POU2AF2: variants seen among roughly 807,000 people sequenced by gnomAD.
POU2AF2 encodes POU domain class 2-associating factor 2.
At chr11:111,246,887 C>T in the POU2AF2 span, among the ~76,000 whole-genome samples, 2 of 152,214 alleles carry the variant, frequency 1.3e-5, no homozygotes, top group Admixed American at 6.5e-5. Context: ...AACTGTAGTC[C>T]TTATGTTGTA....
chr11:111,267,012 T>C, the POU2AF2 span, among the ~76,000 whole-genome samples: 3 of 152,264 alleles, frequency 2.0e-5, no homozygotes, highest in Admixed American at 2.0e-4. Flanking sequence ...CAATTATGAC[T>C]TTTGCTCCCT....
the POU2AF2 span, among the ~76,000 whole-genome samples, chr11:111,247,513 C>A: frequency 1.3e-5 from 2 of 152,076 alleles, no homozygotes; most frequent in Non-Finnish European, 2.9e-5. Context: ...ATAGGCCGAG[C>A]GTGGTGGTTC....
At chr11:111,283,431 C>T in the POU2AF2 span, among the ~76,000 whole-genome samples, 2 of 152,016 alleles carry the variant, frequency 1.3e-5, no homozygotes, top group Non-Finnish European at 2.9e-5. Flanking sequence ...GTCCATGAGG[C>T]CACAAGAGGG....
At chr11:111,285,090 A>G in the POU2AF2 span, among the ~76,000 whole-genome samples, 1 of 152,232 alleles carries the variant, frequency 6.6e-6, no homozygotes, top group African/African-American at 2.4e-5. Flanking sequence ...GTCCCATTTT[A>G]CAGATGAGCA....
chr11:111,285,157 A>G, the POU2AF2 span, among the ~76,000 whole-genome samples: 4 of 152,174 alleles, frequency 2.6e-5, no homozygotes, highest in African/African-American at 9.6e-5. Flanking sequence ...TCTAGCTCCA[A>G]ACTTACGGGA....
At chr11:111,264,501 A>G in the POU2AF2 span, among the ~76,000 whole-genome samples, 4 of 13,694 alleles carry the variant, frequency 2.9e-4, no homozygotes, top group Admixed American at 1.3e-3. Flanking sequence ...CGAAAGAAAG[A>G]AAGAAAGAAA....
At chr11:111,249,021 C>T in the POU2AF2 span, among the ~76,000 whole-genome samples, 1 of 152,180 alleles carries the variant, frequency 6.6e-6, no homozygotes, top group South Asian at 2.1e-4. Flanking sequence ...CAATTTGTTG[C>T]ATGGACACAA....
At chr11:111,264,444 C>T in the POU2AF2 span, among the ~76,000 whole-genome samples, 1 of 148,832 alleles carries the variant, frequency 6.7e-6, no homozygotes, top group African/African-American at 2.5e-5. Context: ...TGCAGTGAGG[C>T]GAGATTGCAC....
chr11:111,283,380 T>A, the POU2AF2 span, among the ~76,000 whole-genome samples: 1 of 151,714 alleles, frequency 6.6e-6, no homozygotes, highest in Non-Finnish European at 1.5e-5. Context: ...GCCGGCACTG[T>A]CTTCCTAAAC....
At chr11:111,265,608 G>A in the POU2AF2 span, among the ~76,000 whole-genome samples, 1 of 152,066 alleles carries the variant, frequency 6.6e-6, no homozygotes, top group Non-Finnish European at 1.5e-5. Context: ...ATAGCATATG[G>A]CATGCTGTAA....
At chr11:111,276,439 GAA>G in the POU2AF2 span, among the ~76,000 whole-genome samples, 21 of 44,446 alleles carry the variant, frequency 4.7e-4, no homozygotes, top group African/African-American at 1.7e-3. Context: ...CTACTAAAAA[GAA>G]AAAAAAAAAA....
chr11:111,249,622 C>T, the POU2AF2 span, among the ~76,000 whole-genome samples: 5 of 152,170 alleles, frequency 3.3e-5, no homozygotes, highest in African/African-American at 4.8e-5. Flanking sequence ...CTCCACCTTC[C>T]CAAACTCGAC....
the POU2AF2 span, among the ~76,000 whole-genome samples, chr11:111,247,946 C>G: frequency 7.3e-6 from 1 of 136,944 alleles, no homozygotes; most frequent in African/African-American, 2.8e-5. Flanking sequence ...TGGTGTGGCG[C>G]GATCTCCGCT....
the POU2AF2 span, among the ~76,000 whole-genome samples, chr11:111,280,057 A>AAAAAAATATATATATATATAT: frequency 1.3e-5 from 1 of 76,472 alleles, no homozygotes; most frequent in East Asian, 3.1e-4. Flanking sequence ...AAAAAAAAAA[A>AAAAAAATATATATATATATAT]ATATATATAT....
At chr11:111,272,185 T>C in the POU2AF2 span, among the ~76,000 whole-genome samples, 1 of 152,228 alleles carries the variant, frequency 6.6e-6, no homozygotes, top group Non-Finnish European at 1.5e-5. Flanking sequence ...CTGATTTCCT[T>C]TTATCTAGCC....
the POU2AF2 span, among the ~76,000 whole-genome samples, chr11:111,252,072 C>A: frequency 6.6e-6 from 1 of 152,198 alleles, no homozygotes. Context: ...TTAAAAAGCA[C>A]TTTAAAAAGC....
At chr11:111,246,186 A>G in the POU2AF2 span, among the ~76,000 whole-genome samples, 1 of 152,226 alleles carries the variant, frequency 6.6e-6, no homozygotes, top group Non-Finnish European at 1.5e-5. Flanking sequence ...CTTTTCCAAT[A>G]TATAGTGAAA....
At chr11:111,274,170 G>A in the POU2AF2 span, among the ~76,000 whole-genome samples, 1 of 152,134 alleles carries the variant, frequency 6.6e-6, no homozygotes, top group Non-Finnish European at 1.5e-5. Context: ...CTGGAAATGG[G>A]ATGGAGAAGC....
At chr11:111,247,187 C>CAGAGAGAGAGAGAG in the POU2AF2 span, among the ~76,000 whole-genome samples, 1 of 45,072 alleles carries the variant, frequency 2.2e-5, no homozygotes, top group Non-Finnish European at 5.2e-5. Flanking sequence ...CACATACACA[C>CAGAGAGAGAGAGAG]ACACAGAGAG....
Sources: allele counts gnomAD v4.1 joint callset (sites outside exome capture counted in the v4.1 genomes callset), GRCh38; gene constraint gnomAD v4.1.1; transcripts MANE v1.5; gene names NCBI Gene and HGNC (gene_info 2026-07-23, HGNC 2026-07-21).